The following DENND1A variants were observed in gnomAD, a reference collection of about 807,000 sequenced individuals.
DENND1A encodes the protein DENN domain containing 1A.
Under a neutral mutation model 113.7 loss-of-function variants are expected in DENND1A, and 51 were observed. The observed-to-expected ratio is 0.45, with a 90% CI of 0.36 to 0.57. DENND1A has a LOEUF of 0.57. Ranked by LOEUF, DENND1A falls within the 20% of genes least tolerant of loss-of-function variation. DENND1A has a pLI of 0.00. For synonymous variants in DENND1A, 565 were observed against 570.8 expected, an observed-to-expected ratio of 0.99 and a Z score of 0.14; for missense variants, 1,258 against 1,395.9, an observed-to-expected ratio of 0.90 and a Z score of 1.57.
At chr9:123,402,049 C>CTTAA in intron 21 of DENND1A, 1 of 1,222,870 alleles carries the variant, frequency 8.2e-7, no homozygotes, top group Non-Finnish European at 1.2e-6. Flanking sequence ...ATTTCATCCC[C>CTTAA]TTAAGGAGGA....
At chr9:123,508,231 C>T (rs536231215) in intron 13 of DENND1A, among the ~76,000 whole-genome samples, 4 of 152,320 alleles carry the variant, frequency 2.6e-5, no homozygotes, top group South Asian at 2.1e-4. Flanking sequence ...TTTTAACTTT[C>T]GTTTTTGGTG....
chr9:123,864,311 CAAGTCCA>C (rs1205425948), intron 2 of DENND1A, among the ~76,000 whole-genome samples: 3 of 152,138 alleles, frequency 2.0e-5, no homozygotes, highest in Admixed American at 1.3e-4. Flanking sequence ...AATTAAAACC[CAAGTCCA>C]AAGCTCTTCC....
intron 8 of DENND1A, among the ~76,000 whole-genome samples, chr9:123,658,018 A>G (rs530115180): frequency 1.6e-4 from 25 of 152,340 alleles, no homozygotes; most frequent in Admixed American, 4.6e-4. Context: ...ATTCTCTATA[A>G]TCGCAGTTCT....
At chr9:123,480,209 C>G (rs1402376599) in intron 13 of DENND1A, among the ~76,000 whole-genome samples, 1 of 152,206 alleles carries the variant, frequency 6.6e-6, no homozygotes, top group East Asian at 1.9e-4. Flanking sequence ...CCTCCCAGGG[C>G]CCCTGCTTCC....
At chr9:123,749,169 C>G (rs1279461171) in intron 5 of DENND1A, among the ~76,000 whole-genome samples, 1 of 152,144 alleles carries the variant, frequency 6.6e-6, no homozygotes, top group Non-Finnish European at 1.5e-5. Context: ...CATTCACCAG[C>G]CAAAGAGCTT....
chr9:123,824,830 T>C (rs1366427533), intron 2 of DENND1A, among the ~76,000 whole-genome samples: 1 of 152,218 alleles, frequency 6.6e-6, no homozygotes, highest in Non-Finnish European at 1.5e-5. Context: ...GAGAAAAAGA[T>C]TAACTTCATT....
chr9:123,570,934 A>C (rs2058322186), intron 12 of DENND1A, among the ~76,000 whole-genome samples: 1 of 152,186 alleles, frequency 6.6e-6, no homozygotes, highest in Non-Finnish European at 1.5e-5. Context: ...ACACGCCTTT[A>C]GATCTAAAAG....
At chr9:123,633,080 G>T (rs1474134166) in intron 9 of DENND1A, among the ~76,000 whole-genome samples, 2 of 152,016 alleles carry the variant, frequency 1.3e-5, no homozygotes, top group Non-Finnish European at 2.9e-5. Context: ...GCTAATTTTT[G>T]TATATTTTGT....
rs974290525 is a variant in DENND1A at position 123,386,713 on chromosome 9, G to A, written c.1760+1017C>T. 3.3e-5 allele frequency among the ~76,000 whole-genome samples: 5 copies of A among 152,336 alleles called. No homozygotes were observed. The South Asian group carries it at 1.0e-3, about 32-fold the overall frequency. On this transcript the variant is annotated intron_variant, in intron 22 of 23. Coordinates refer to ENST00000394215, the MANE Select transcript of DENND1A (RefSeq NM_001352964.2). ...CACTACTTTCTAAGTGAGGACACTG[G>A]GAGGGGAGTGACTTGTCTGGGTCCC...
At chr9:123,828,100 C>T (rs1590253858) in intron 2 of DENND1A, among the ~76,000 whole-genome samples, 1 of 151,878 alleles carries the variant, frequency 6.6e-6, no homozygotes, top group African/African-American at 2.4e-5. Flanking sequence ...AGTTATTTCA[C>T]AGACTGAAAT....
chr9:123,810,931 G>A (rs1477345262), intron 2 of DENND1A, among the ~76,000 whole-genome samples: 1 of 151,370 alleles, frequency 6.6e-6, no homozygotes, highest in African/African-American at 2.4e-5. Context: ...GCTAATTTTT[G>A]TACATTTAGT....
intron 6 of DENND1A, among the ~76,000 whole-genome samples, chr9:123,676,136 C>A (rs894074625): frequency 6.6e-6 from 1 of 152,204 alleles, no homozygotes; most frequent in African/African-American, 2.4e-5. Flanking sequence ...AAAGGTCCAA[C>A]TGGCCTTTGA....
intron 1 of DENND1A, among the ~76,000 whole-genome samples, chr9:123,900,519 T>G (rs924319105): frequency 6.6e-6 from 1 of 152,194 alleles, no homozygotes; most frequent in African/African-American, 2.4e-5. Context: ...GAGCTCTAAT[T>G]GAGCTGAAAC....
chr9:123,909,805 A>G (rs569032584), intron 1 of DENND1A, among the ~76,000 whole-genome samples: 1 of 152,330 alleles, frequency 6.6e-6, no homozygotes, highest in South Asian at 2.1e-4. Flanking sequence ...ACCTAAAAAC[A>G]TCATTAGAAT....
chr9:123,427,235 C>G (rs1217432171), intron 19 of DENND1A, among the ~76,000 whole-genome samples: 3 of 152,262 alleles, frequency 2.0e-5, no homozygotes, highest in East Asian at 1.9e-4. Context: ...CGTTGAACCA[C>G]TCACCACGAG....
At chr9:123,707,488 G>A (rs1024596871) in intron 5 of DENND1A, among the ~76,000 whole-genome samples, 1 of 151,952 alleles carries the variant, frequency 6.6e-6, no homozygotes, top group Non-Finnish European at 1.5e-5. Flanking sequence ...AACTGGCAAA[G>A]GAGACAGAAA....
chr9:123,654,464 C>A (rs925327274), intron 8 of DENND1A, among the ~76,000 whole-genome samples: 13 of 151,876 alleles, frequency 8.6e-5, no homozygotes, highest in African/African-American at 2.4e-4. Context: ...GGAGACACAG[C>A]GTCAGAGACA....
At chr9:123,616,487 T>C (rs1270551112) in intron 10 of DENND1A, among the ~76,000 whole-genome samples, 1 of 152,240 alleles carries the variant, frequency 6.6e-6, no homozygotes, top group Non-Finnish European at 1.5e-5. Context: ...TGATACTCTT[T>C]TCTGTTCTAA....
At chr9:123,688,208 A>G (rs753317718) in intron 5 of DENND1A, among the ~76,000 whole-genome samples, 20 of 152,248 alleles carry the variant, frequency 1.3e-4, no homozygotes, top group Non-Finnish European at 2.4e-4. Context: ...TCACACAGCC[A>G]CAAAGTAGAT....
Sources: allele counts gnomAD v4.1 joint callset (sites outside exome capture counted in the v4.1 genomes callset), GRCh38; gene constraint gnomAD v4.1.1; transcripts MANE v1.5; gene names NCBI Gene and HGNC (gene_info 2026-07-23, HGNC 2026-07-21).